The following KLHL29 variants were observed in gnomAD, a reference collection of about 807,000 sequenced individuals.
KLHL29 encodes kelch-like protein 29.
A neutral mutation model predicts 80.4 loss-of-function variants in KLHL29; 21 were observed. The observed-to-expected ratio is 0.26, with a 90% CI of 0.19 to 0.38. The LOEUF (loss-of-function observed/expected upper bound fraction) is 0.38. Among genes scored for constraint, KLHL29 ranks in the 10% least tolerant of loss-of-function variants. The pLI is 1.00. For missense variants in KLHL29, 867 were observed against 1,223.9 expected, an observed-to-expected ratio of 0.71 and a Z score of 4.35; for synonymous variants, 511 against 526.8, an observed-to-expected ratio of 0.97 and a Z score of 0.41.
At position 23,680,288 on chromosome 2, in the gene KLHL29, C is replaced by A. The variant is rs562391220; in HGVS notation, c.941-4111C>A. ...GAGTCTGGGGAAGGCCTGCGGATTG[C>A]GGGCAGTGGACCGTCTTCCACGGGA... On this transcript the variant is annotated intron_variant, in intron 5 of 13. Transcript: ENST00000486442. The surrounding 1 kb of genome is among the most constrained non-coding windows in gnomAD (Gnocchi z 4.1). Among the ~76,000 whole-genome samples, 2 of 152,062 alleles carry A rather than the reference C, an allele frequency of 1.3e-5. No individual in the cohort carries two copies. The highest frequency in any genetic ancestry group is 2.9e-5 in the Non-Finnish European group (2 of 68,018).
At chr2:23,625,930 G>A (rs1308473103) in intron 3 of KLHL29, among the ~76,000 whole-genome samples, 1 of 152,212 alleles carries the variant, frequency 6.6e-6, no homozygotes, top group Non-Finnish European at 1.5e-5. Flanking sequence ...AAGCCAGGAA[G>A]AGAGCCCTCC....
chr2:23,627,900 G>T (rs1374259591), intron 3 of KLHL29, among the ~76,000 whole-genome samples: 1 of 143,292 alleles, frequency 7.0e-6, no homozygotes, highest in Non-Finnish European at 1.5e-5. Context: ...GAAAGGAGGA[G>T]GCCAGGAGTC....
intron 3 of KLHL29, among the ~76,000 whole-genome samples, chr2:23,564,386 G>A (rs938077526): frequency 1.3e-5 from 2 of 152,226 alleles, no homozygotes; most frequent in African/African-American, 4.8e-5. Context: ...GCCAGGAGGG[G>A]GAGAGGGGGC....
intron 1 of KLHL29, among the ~76,000 whole-genome samples, chr2:23,412,142 G>A (rs1348881037): frequency 6.7e-6 from 1 of 150,150 alleles, no homozygotes; most frequent in African/African-American, 2.5e-5. Context: ...GGGGCGGTGC[G>A]GTAGAGGTAG....
chr2:23,561,969 G>T (rs1230060568), intron 2 of KLHL29, among the ~76,000 whole-genome samples, 183 bp from the exon 3 acceptor site: 2 of 152,202 alleles, frequency 1.3e-5, no homozygotes, highest in Non-Finnish European at 2.9e-5. Context: ...GGCAAATTGT[G>T]TATTCCTTGT....
intron 3 of KLHL29, among the ~76,000 whole-genome samples, chr2:23,613,641 G>A (rs1668924583): frequency 1.3e-5 from 2 of 151,778 alleles, no homozygotes; most frequent in South Asian, 2.1e-4. Flanking sequence ...GCACGCGCCT[G>A]TAATCCCAGC....
chr2:23,608,278 A>T (rs1273269432), intron 3 of KLHL29, among the ~76,000 whole-genome samples: 4 of 152,196 alleles, frequency 2.6e-5, no homozygotes. Flanking sequence ...TTGGTCTTTT[A>T]TTTTGTGTTC....
chr2:23,504,191 G>A (rs1287621046), intron 2 of KLHL29, among the ~76,000 whole-genome samples: 1 of 152,208 alleles, frequency 6.6e-6, no homozygotes, highest in African/African-American at 2.4e-5. Flanking sequence ...ATACGTTCCA[G>A]AAGTGTGCTC....
chr2:23,468,468 C>T (rs894698101), intron 1 of KLHL29, among the ~76,000 whole-genome samples: 59 of 152,292 alleles, frequency 3.9e-4, no homozygotes, highest in Non-Finnish European at 2.9e-5. Flanking sequence ...CCTGTGAAGC[C>T]ATTCTGTTCC....
intron 3 of KLHL29, among the ~76,000 whole-genome samples, chr2:23,602,139 G>A (rs1668587392): frequency 6.6e-6 from 1 of 152,174 alleles, no homozygotes; most frequent in Admixed American, 6.5e-5. Flanking sequence ...AGTATCCACT[G>A]CTCATTTTCC....
At chr2:23,698,898 A>G (rs994359592) in intron 11 of KLHL29, among the ~76,000 whole-genome samples, 20 of 152,304 alleles carry the variant, frequency 1.3e-4, no homozygotes, top group African/African-American at 4.1e-4. Flanking sequence ...CATCATACTG[A>G]AAGACTGAGG....
intron 5 of KLHL29, chr2:23,667,214 A>C (rs56009471): frequency 0.13 from 19,880 of 152,252 alleles, 1,522 homozygotes; most frequent in Middle Eastern, 0.17. Context: ...ATATGTATGG[A>C]AGTGTGTATT....
chr2:23,687,744 G>C (rs1474100810), intron 6 of KLHL29, among the ~76,000 whole-genome samples: 1 of 152,196 alleles, frequency 6.6e-6, no homozygotes, highest in East Asian at 1.9e-4. Flanking sequence ...GGAAGAGCAA[G>C]GTCGAAAGGC....
At chr2:23,444,880 CAGTT>C (rs755102102) in intron 1 of KLHL29, among the ~76,000 whole-genome samples, 14 of 152,236 alleles carry the variant, frequency 9.2e-5, no homozygotes, top group East Asian at 7.7e-4. Context: ...ATTTTATAAA[CAGTT>C]AGCTTCATGT....
intron 2 of KLHL29, 105 bp downstream of exon 2, chr2:23,475,772 A>AGTAGG (rs1270165083): frequency 2.5e-5 from 4 of 161,102 alleles, no homozygotes; most frequent in Non-Finnish European, 5.9e-5. Flanking sequence ...AAGAAAGTAC[A>AGTAGG]GTAGGTCCCC....
intron 2 of KLHL29, among the ~76,000 whole-genome samples, chr2:23,526,756 G>A (rs188015244): frequency 3.7e-4 from 57 of 152,188 alleles, no homozygotes; most frequent in Non-Finnish European, 7.2e-4. Flanking sequence ...CATTGTTAAC[G>A]TCTCTTCCCA....
chr2:23,704,541 T>G (rs1672595837), intron 13 of KLHL29, among the ~76,000 whole-genome samples: 1 of 152,148 alleles, frequency 6.6e-6, no homozygotes, highest in Non-Finnish European at 1.5e-5. Context: ...CCGAGGCGGA[T>G]GGATCAGTTG....
At chr2:23,492,920 C>G (rs982840791) in intron 2 of KLHL29, among the ~76,000 whole-genome samples, 6 of 152,138 alleles carry the variant, frequency 3.9e-5, no homozygotes, top group African/African-American at 1.4e-4. Context: ...GGTGTCTGAG[C>G]CCAAAAGCCA....
chr2:23,638,455 A>G (rs1669677632), intron 3 of KLHL29, among the ~76,000 whole-genome samples: 1 of 152,016 alleles, frequency 6.6e-6, no homozygotes, highest in Admixed American at 6.5e-5. Context: ...GAGTGGGCTC[A>G]TGGAGCAGAA....
Sources: allele counts gnomAD v4.1 joint callset (sites outside exome capture counted in the v4.1 genomes callset), GRCh38; gene constraint gnomAD v4.1.1; non-coding constraint Gnocchi (gnomAD v3.1); transcripts MANE v1.5; gene names NCBI Gene and HGNC (gene_info 2026-07-23, HGNC 2026-07-21).